Variants in GBP1 observed in about 807,000 individuals in gnomAD.
GBP1 encodes guanylate-binding protein 1.
Under a neutral mutation model 69.5 loss-of-function variants are expected in GBP1, and 64 were observed. The ratio of observed to expected loss-of-function variants is 0.92; its 90% confidence interval spans 0.75 to 1.13. The LOEUF (loss-of-function observed/expected upper bound fraction) is 1.13. Ranked by LOEUF, GBP1 falls within the 50% of genes most tolerant of loss-of-function variation. GBP1 has a pLI of 0.00. For synonymous variants in GBP1, 250 were observed against 261.2 expected (o/e 0.96, Z 0.41); for missense variants, 630 against 704.1 (o/e 0.89, Z 1.19).
rs1680062052 is a variant in GBP1 at position 89,056,905 on chromosome 1, G to T, written c.1104C>A (p.Phe368Leu). 2 of 1,614,234 alleles carry T rather than the reference G, an allele frequency of 1.2e-6. No individual in the cohort carries two copies. The highest frequency in any genetic ancestry group is 1.7e-6 in the Non-Finnish European group (2 of 1,180,042). ...CCACATCTTTGAAGGAACTCCTGATGAAGACTTCAATGGCCTCTCTCTCAC... is the reference window on the plus strand; with the variant it reads ...CCACATCTTTGAAGGAACTCCTGATTAAGACTTCAATGGCCTCTCTCTCAC... ...RDSEREAIEV[F>L]IRSSFKDVDH... Residue 368 changes from phenylalanine (F) to leucine (L), a missense_variant, in exon 7 of 11, where the codon TTC becomes TTA. Physicochemically the swap from Phe to Leu is conservative, Grantham distance 22 (BLOSUM62 0). Coordinates refer to ENST00000370473, the MANE Select transcript of GBP1 (RefSeq NM_002053.3).
At chr1:89,064,224 TGTGTGTGTGTGTGTGTGAGA>T (rs1335343029) in intron 1 of GBP1, among the ~76,000 whole-genome samples, 129 of 136,960 alleles carry the variant, frequency 9.4e-4, no homozygotes, top group Non-Finnish European at 1.5e-3. Flanking sequence ...TGTGTGTGTG[TGTGTGTGTGTGTGTGTGAGA>T]GAGAGAGAGA....
intron 7 of GBP1, 117 bp downstream of exon 7, chr1:89,056,737 T>G: frequency 8.4e-7 from 1 of 1,196,708 alleles, no homozygotes; most frequent in Non-Finnish European, 1.2e-6. Context: ...ATCTGTTGTT[T>G]TCACCATTAT....
chr1:89,055,738 C>G, intron 8 of GBP1: 1 of 511,708 alleles, frequency 2.0e-6, no homozygotes, highest in African/African-American at 1.9e-5. Context: ...GTTCCTGTCT[C>G]TTGCAACAGG....
In GBP1 at chr1:89,059,366, C is replaced by T. The variant is rs147930913; in HGVS notation, c.379G>A (p.Val127Met). 5.0e-5 allele frequency: 80 copies of T among 1,613,918 alleles called. No individual in the cohort carries two copies. Among genetic ancestry groups the T allele is most frequent in the Admixed American group, 8.3e-5 (5 of 59,988 alleles). ...TTGATGGTTCCTATGCTATTGTACA[C>T]GAAGGTGCTGCTCAGGAGGACGGCC... Reference protein sequence around the residue: ...ALAVLLSSTFVYNSIGTINQQ... With the variant: ...ALAVLLSSTFMYNSIGTINQQ... The change falls in exon 4 of 11, where the codon GTG (valine) becomes ATG (methionine). Residue 127 changes from valine (V) to methionine (M), a missense_variant. Around this residue, in one of 5 missense-constraint regions of GBP1, gnomAD observed 26 missense variants for 54.9 expected, o/e 0.47. Transcript: ENST00000370473.
Position 89,055,161 on chromosome 1 carries a change from T to C in GBP1, c.1423A>G (p.Ile475Val), listed in dbSNP as rs1206359578. 1 of 1,612,218 alleles carries C rather than the reference T, an allele frequency of 6.2e-7. No homozygotes were observed. The highest frequency in any genetic ancestry group is 8.5e-7 in the Non-Finnish European group (1 of 1,179,538). Residue 475 changes from isoleucine (I) to valine (V), a missense_variant, in exon 9 of 11, where the codon ATT becomes GTT. Physicochemically the swap from Ile to Val is conservative, Grantham distance 29 (BLOSUM62 3). Transcript: ENST00000370473. ...GTGAGAGTCTGGTCTGTCTGGAGAA[T>C]TGCATCAGTCATAGACTCCTTGGAT... ...LKSKESMTDA[I>V]LQTDQTLTEK...
At chr1:89,058,740 A>G in intron 5 of GBP1, 101 bp downstream of exon 5, 1 of 1,255,960 alleles carries the variant, frequency 8.0e-7, no homozygotes, top group Non-Finnish European at 1.2e-6. Context: ...AGCTGAAGAC[A>G]TAGAAAACTG....
At chr1:89,064,226 TGTGTGTGTGTGTGTGAGA>T (rs1311023001) in intron 1 of GBP1, among the ~76,000 whole-genome samples, 6 of 111,318 alleles carry the variant, frequency 5.4e-5, no homozygotes, top group South Asian at 3.0e-4. Context: ...TGTGTGTGTG[TGTGTGTGTGTGTGTGAGA>T]GAGAGAGAGA....
At chr1:89,057,713 CATTTA>C (rs1208281926) in intron 6 of GBP1, among the ~76,000 whole-genome samples, 2 of 149,224 alleles carry the variant, frequency 1.3e-5, no homozygotes, top group Admixed American at 1.3e-4. Flanking sequence ...AAATTATTTA[CATTTA>C]TGTTTACATA....
Sources: allele counts gnomAD v4.1 joint callset (sites outside exome capture counted in the v4.1 genomes callset), GRCh38; gene constraint gnomAD v4.1.1; regional missense constraint gnomAD v4.1.1; transcripts MANE v1.5; gene names NCBI Gene and HGNC (gene_info 2026-07-23, HGNC 2026-07-21).